Variants in XIRP2 observed in about 807,000 individuals in gnomAD.
The protein encoded by XIRP2 is xin actin-binding repeat-containing protein 2.
XIRP2 carries 236 observed loss-of-function variants against 277.0 expected under a neutral mutation model. That is an observed-to-expected ratio of 0.85 (90% CI 0.77 to 0.95). XIRP2 has a LOEUF of 0.95. XIRP2 is among the 40% of genes least tolerant of loss of function. The probability of loss-of-function intolerance (pLI) is 0.00; values close to 1 mark genes in which losing one functional copy is unlikely to be tolerated. For missense variants in XIRP2, 4,640 were observed against 4,157.5 expected (o/e 1.12, Z -3.19); for synonymous variants, 1,490 against 1,416.5 (o/e 1.05, Z -1.17).
At chr2:167,002,583 T>C (rs1014194040) in intron 2 of XIRP2, among the ~76,000 whole-genome samples, 1 of 152,016 alleles carries the variant, frequency 6.6e-6, no homozygotes, top group Non-Finnish European at 1.5e-5. Context: ...CTTCTCCATT[T>C]CTAAAAGAGA....
chr2:167,037,502 G>GT (rs910838995), intron 2 of XIRP2, among the ~76,000 whole-genome samples: 5 of 146,502 alleles, frequency 3.4e-5, no homozygotes, highest in African/African-American at 1.3e-4. Context: ...TTGGCTTGAG[G>GT]TTTTTTCATG....
At chr2:167,059,856 CA>C (rs757179930) in intron 2 of XIRP2, among the ~76,000 whole-genome samples, 2 of 152,194 alleles carry the variant, frequency 1.3e-5, no homozygotes, top group Non-Finnish European at 2.9e-5. Flanking sequence ...ATGATGCTAG[CA>C]GAGGCTTTAC....
intron 3 of XIRP2, among the ~76,000 whole-genome samples, chr2:167,142,897 G>T (rs1031459425): frequency 6.6e-6 from 1 of 152,028 alleles, no homozygotes; most frequent in African/African-American, 2.4e-5. Flanking sequence ...GTGTTCTGGG[G>T]CAGTGATTTT....
At chr2:167,226,328 A>C (rs934389188) in intron 5 of XIRP2, among the ~76,000 whole-genome samples, 6 of 152,016 alleles carry the variant, frequency 3.9e-5, no homozygotes, top group Admixed American at 2.6e-4. Context: ...GTTTTCTCCT[A>C]CTACTCAATC....
Position 167,249,122 on chromosome 2 carries a change from A to G in XIRP2, c.7730A>G (p.Asn2577Ser). Residue 2577 changes from asparagine to serine, a missense_variant, in exon 9 of 11, where the codon AAT (asparagine) becomes AGT (serine). Asn to Ser is a conservative substitution (Grantham distance 46). Transcript: ENST00000409195. Reference protein sequence around the residue: ...YYNIVKTQSQNQHITEVEKEM... With the variant: ...YYNIVKTQSQSQHITEVEKEM... The stretch of plus-strand genomic sequence containing the variant: ...AACATTGTTAAAACTCAAAGCCAAA[A>G]TCAACACATAACAGAGGTGGAAAAG... 1 of 1,613,834 alleles carries G rather than the reference A, an allele frequency of 6.2e-7. No individual in the cohort carries two copies. Among genetic ancestry groups the G allele is most frequent in the Non-Finnish European group, 8.5e-7 (1 of 1,179,810 alleles).
intron 3 of XIRP2, among the ~76,000 whole-genome samples, chr2:167,141,688 C>G (rs1691721698): frequency 6.6e-6 from 1 of 152,030 alleles, no homozygotes. Flanking sequence ...CATAGCAACA[C>G]TCCATCTCTA....
At chr2:166,984,445 T>C (rs1156233065) in intron 2 of XIRP2, among the ~76,000 whole-genome samples, 2 of 152,304 alleles carry the variant, frequency 1.3e-5, no homozygotes, top group South Asian at 2.1e-4. Context: ...TTTCTGAAGA[T>C]ATGTTCTTAA....
chr2:167,029,485 T>A (rs1187020876), intron 2 of XIRP2, among the ~76,000 whole-genome samples: 1 of 152,148 alleles, frequency 6.6e-6, no homozygotes, highest in East Asian at 1.9e-4. Context: ...TGCCATTGGT[T>A]CTGTTTATGT....
At chr2:167,054,141 C>A (rs528381216) in intron 2 of XIRP2, among the ~76,000 whole-genome samples, 2 of 152,210 alleles carry the variant, frequency 1.3e-5, no homozygotes, top group Non-Finnish European at 2.9e-5. Context: ...GTATTGACAA[C>A]CTTCAAAATG....
chr2:167,078,837 C>CAAA (rs71031277), intron 2 of XIRP2, among the ~76,000 whole-genome samples: 1 of 127,218 alleles, frequency 7.9e-6, no homozygotes, highest in Admixed American at 7.9e-5. Flanking sequence ...GACTCCGTCT[C>CAAA]AAAAAAAAAA....
chr2:167,171,614 C>A (rs540325277), intron 3 of XIRP2, among the ~76,000 whole-genome samples: 4 of 152,034 alleles, frequency 2.6e-5, no homozygotes, highest in African/African-American at 9.7e-5. Context: ...ACATATTCAC[C>A]GATATTAGTC....
intron 2 of XIRP2, among the ~76,000 whole-genome samples, chr2:166,906,703 C>T (rs1684534110): frequency 6.6e-6 from 1 of 152,076 alleles, no homozygotes; most frequent in Admixed American, 6.6e-5. Flanking sequence ...CACCTGTTTT[C>T]CCAGCACTTT....
chr2:166,994,837 A>T (rs1687169708), intron 2 of XIRP2, among the ~76,000 whole-genome samples: 1 of 152,092 alleles, frequency 6.6e-6, no homozygotes, highest in African/African-American at 2.4e-5. Context: ...GGTTTACAGG[A>T]ATTGTGTACT....
intron 2 of XIRP2, among the ~76,000 whole-genome samples, chr2:166,963,779 A>C (rs1686358640): frequency 6.6e-6 from 1 of 151,846 alleles, no homozygotes; most frequent in Non-Finnish European, 1.5e-5. Context: ...GAGTGACAAC[A>C]TGTAACATCT....
chr2:167,201,141 AGAGG>A (rs765041006), intron 3 of XIRP2, among the ~76,000 whole-genome samples: 4 of 149,820 alleles, frequency 2.7e-5, no homozygotes, highest in Non-Finnish European at 4.4e-5. Context: ...AGAGAGAGAG[AGAGG>A]GAGGGAGGGA....
chr2:166,960,503 G>T (rs565341139), intron 2 of XIRP2, among the ~76,000 whole-genome samples: 80 of 151,770 alleles, frequency 5.3e-4, no homozygotes, highest in Admixed American at 1.8e-3. Context: ...GAAATGCAAA[G>T]ACTCTTGGAA....
intron 3 of XIRP2, among the ~76,000 whole-genome samples, chr2:167,164,550 A>C (rs544226897): frequency 4.6e-5 from 7 of 152,038 alleles, no homozygotes; most frequent in East Asian, 3.9e-4. Flanking sequence ...ATTTGAGGAG[A>C]ATTGACATCA....
intron 2 of XIRP2, among the ~76,000 whole-genome samples, chr2:167,038,092 T>A (rs1688564739): frequency 6.6e-6 from 1 of 152,056 alleles, no homozygotes; most frequent in Admixed American, 6.5e-5. Context: ...AATGTCTTTA[T>A]TGAATAAATC....
chr2:167,257,489 A>T lies in XIRP2; in HGVS notation c.*40-368A>T, dbSNP rs57951326. Among the ~76,000 whole-genome samples, 617 of 152,062 alleles carry T rather than the reference A, an allele frequency of 4.1e-3. 5 individuals carry two copies. The highest frequency in any genetic ancestry group is 0.015 in the African/African-American group (604 of 41,522). On this transcript the variant is annotated intron_variant, in intron 10 of 10. Coordinates refer to ENST00000409195, the MANE Select transcript of XIRP2 (RefSeq NM_152381.6). ...CAAAATCCAGTTAACAAAGAAGCTC[A>T]TATTGTTGATTTGTATGTGTTTGCT...
Sources: allele counts gnomAD v4.1 joint callset (sites outside exome capture counted in the v4.1 genomes callset), GRCh38; gene constraint gnomAD v4.1.1; transcripts MANE v1.5; gene names NCBI Gene and HGNC (gene_info 2026-07-23, HGNC 2026-07-21).